Variants in NR5A2 observed in about 807,000 individuals in gnomAD.
NR5A2 encodes CYP7A promoter-binding factor.
NR5A2 carries 26 observed loss-of-function variants against 62.7 expected under a neutral mutation model. The observed-to-expected ratio is 0.41, with a 90% CI of 0.30 to 0.58. The LOEUF is 0.58. Among genes scored for constraint, NR5A2 ranks in the 20% least tolerant of loss-of-function variants. NR5A2 has a pLI of 0.22. For synonymous variants in NR5A2, 246 were observed against 241.7 expected (o/e 1.02, Z -0.16); for missense variants, 541 against 669.1 (o/e 0.81, Z 2.11).
intron 5 of NR5A2, among the ~76,000 whole-genome samples, chr1:200,110,982 C>T (rs1411066856): frequency 6.6e-6 from 1 of 152,060 alleles, no homozygotes; most frequent in Non-Finnish European, 1.5e-5. Context: ...AGCTTAAGTA[C>T]CTACGTGTGT....
intron 5 of NR5A2, among the ~76,000 whole-genome samples, chr1:200,060,215 A>G (rs1269450385): frequency 6.6e-6 from 1 of 151,902 alleles, no homozygotes; most frequent in Non-Finnish European, 1.5e-5. Context: ...TCCTTCTAAT[A>G]CCTCAGGAAG....
Position 200,147,314 on chromosome 1 carries a change from G to GCT in NR5A2, c.1378+26361_1378+26362dup, listed in dbSNP as rs1272585043. Among the ~76,000 whole-genome samples, 1 of 152,192 alleles carries GCT rather than the reference G, an allele frequency of 6.6e-6. No individual in the cohort carries two copies. The highest frequency in any genetic ancestry group is 1.9e-4 in the East Asian group (1 of 5,188). ...CTGCTGTGCCAGGCGCCTACTGTGC[G>GCT]CTCCTCTCCTCATCCAGCAAAGCTC... On this transcript the variant is annotated intron_variant, in intron 7 of 7. Transcript: ENST00000367362. This position sits in a 1 kb window ranked among gnomAD's most constrained non-coding sequence, Gnocchi z 4.9.
intron 5 of NR5A2, among the ~76,000 whole-genome samples, chr1:200,079,961 T>A (rs1664219433): frequency 6.6e-6 from 1 of 152,226 alleles, no homozygotes; most frequent in South Asian, 2.1e-4. Flanking sequence ...CATTTGGGTT[T>A]CAAAAAGTTG....
At chr1:200,054,720 CCTT>C (rs1258470660) in intron 5 of NR5A2, among the ~76,000 whole-genome samples, 1 of 152,052 alleles carries the variant, frequency 6.6e-6, no homozygotes, top group African/African-American at 2.4e-5. Context: ...GAGGAGCAAA[CCTT>C]CTTTTTTCTC....
At chr1:200,061,380 G>A (rs1004877181) in intron 5 of NR5A2, among the ~76,000 whole-genome samples, 7 of 148,474 alleles carry the variant, frequency 4.7e-5, no homozygotes, top group Non-Finnish European at 7.4e-5. Flanking sequence ...CAGGGTTCAA[G>A]CGATTCTCCT....
At chr1:200,038,023 T>C (rs942611334) in intron 1 of NR5A2, among the ~76,000 whole-genome samples, 2 of 152,254 alleles carry the variant, frequency 1.3e-5, no homozygotes, top group African/African-American at 4.8e-5. Flanking sequence ...TGGACTCTGA[T>C]AATTACTTCG....
At chr1:200,119,525 G>A (rs796668898) in intron 6 of NR5A2, among the ~76,000 whole-genome samples, 7 of 152,262 alleles carry the variant, frequency 4.6e-5, no homozygotes, top group African/African-American at 1.4e-4. Flanking sequence ...TGCTGTAATC[G>A]CAGCAGCAAA....
intron 1 of NR5A2, among the ~76,000 whole-genome samples, chr1:200,036,062 C>T (rs1011351168): frequency 1.3e-5 from 2 of 152,096 alleles, no homozygotes; most frequent in Non-Finnish European, 2.9e-5. Flanking sequence ...AAGATGTCCC[C>T]GGCGGAGGAT....
intron 7 of NR5A2, among the ~76,000 whole-genome samples, chr1:200,137,898 G>A (rs887412152): frequency 6.6e-6 from 1 of 152,104 alleles, no homozygotes; most frequent in Non-Finnish European, 1.5e-5. Context: ...AGGGATTGGG[G>A]TCCATGATAC....
intron 5 of NR5A2, among the ~76,000 whole-genome samples, chr1:200,083,965 CAAAAT>C (rs1239543795): frequency 3.5e-5 from 3 of 85,170 alleles, no homozygotes; most frequent in Non-Finnish European, 4.7e-5. Context: ...AACTCCATCT[CAAAAT>C]AATAATAATA....
intron 5 of NR5A2, among the ~76,000 whole-genome samples, chr1:200,075,573 A>G (rs1480139471): frequency 6.6e-6 from 1 of 152,250 alleles, no homozygotes; most frequent in Non-Finnish European, 1.5e-5. Flanking sequence ...AGAGGTGTAA[A>G]ACAGAGTAGT....
chr1:200,074,592 C>G (rs965897551), intron 5 of NR5A2, among the ~76,000 whole-genome samples: 1 of 151,198 alleles, frequency 6.6e-6, no homozygotes, highest in African/African-American at 2.4e-5. Flanking sequence ...AAAAAATTAG[C>G]CAGGTTTGGT....
intron 1 of NR5A2, among the ~76,000 whole-genome samples, chr1:200,030,457 G>A (rs561865429): frequency 1.3e-5 from 2 of 152,274 alleles, no homozygotes; most frequent in South Asian, 4.1e-4. Flanking sequence ...TAGTGTAAAA[G>A]CAGCACACTC....
chr1:200,069,591 A>G lies in NR5A2; in HGVS notation c.1110+20773A>G, dbSNP rs1172231095. The stretch of plus-strand genomic sequence containing the variant: ...TTCTACAATAGCAATATAGTATTGC[A>G]TATAGATACAAGTTTTACTATTATC... On this transcript the variant is annotated intron_variant, in intron 5 of 7. Coordinates refer to ENST00000367362, the MANE Select transcript of NR5A2 (RefSeq NM_205860.3). Among the ~76,000 whole-genome samples, 3 of 152,208 alleles carry G rather than the reference A, an allele frequency of 2.0e-5. 1 individual carries two copies. Among genetic ancestry groups the G allele is most frequent in the Non-Finnish European group, 4.4e-5 (3 of 68,042 alleles).
intron 5 of NR5A2, among the ~76,000 whole-genome samples, chr1:200,101,043 C>T (rs1280644370): frequency 3.2e-4 from 49 of 152,184 alleles, no homozygotes; most frequent in Admixed American, 3.2e-3. Flanking sequence ...TGAGTTTATT[C>T]ATCTCACATG....
rs191367420 is a variant in NR5A2 at position 200,066,650 on chromosome 1, C to T, written c.1110+17832C>T. ...TCACCCAGGCTGGGGTGCAATGGCACGATCTCGGCTCACAGCAACCTCTGC... is the reference window on the plus strand; with the variant it reads ...TCACCCAGGCTGGGGTGCAATGGCATGATCTCGGCTCACAGCAACCTCTGC... On this transcript the variant is annotated intron_variant, in intron 5 of 7. Transcript: ENST00000367362. Among the ~76,000 whole-genome samples the T allele has an allele frequency of 4.2e-3, 583 of 138,724 alleles. 4 individuals carry two copies. Among genetic ancestry groups the T allele is most frequent in the African/African-American group, 0.016 (559 of 35,074 alleles). The allele number at this position is 138,724 out of a possible 152,430, so 91.0% of individuals were successfully genotyped here.
At chr1:200,103,596 T>A (rs1027663232) in intron 5 of NR5A2, among the ~76,000 whole-genome samples, 1 of 152,170 alleles carries the variant, frequency 6.6e-6, no homozygotes, top group Non-Finnish European at 1.5e-5. Flanking sequence ...AAAGAAAAAC[T>A]TCTCCATCTT....
In NR5A2 at chr1:200,087,162, C is replaced by T. The variant is rs1411741937; in HGVS notation, c.1111-24040C>T. On this transcript the variant is annotated intron_variant, in intron 5 of 7. Transcript: ENST00000367362. ...TGACCTTTATCTGCCTTGTTGCAGC[C>T]CATGCATACTCTTCCTCTTCCAATA... 2.0e-5 allele frequency among the ~76,000 whole-genome samples: 3 copies of T among 150,776 alleles called. No homozygotes were observed. In the East Asian group the frequency reaches 5.9e-4, roughly 30 times the overall value.
intron 5 of NR5A2, among the ~76,000 whole-genome samples, chr1:200,081,896 TAA>T (rs551227478): frequency 6.8e-6 from 1 of 148,054 alleles, no homozygotes. Flanking sequence ...TTACCCATAT[TAA>T]AAAAAAAACA....
Sources: allele counts gnomAD v4.1 joint callset (sites outside exome capture counted in the v4.1 genomes callset), GRCh38; gene constraint gnomAD v4.1.1; non-coding constraint Gnocchi (gnomAD v3.1); transcripts MANE v1.5; gene names NCBI Gene and HGNC (gene_info 2026-07-23, HGNC 2026-07-21).